Variants in CWH43 observed in about 807,000 individuals in gnomAD.
The protein encoded by CWH43 is cell wall biogenesis 43 C-terminal homolog.
A neutral mutation model predicts 85.7 loss-of-function variants in CWH43; 91 were observed. The observed-to-expected ratio is 1.06, with a 90% CI of 0.90 to 1.26. CWH43 has a LOEUF of 1.26. Ranked by LOEUF, CWH43 falls within the 50% of genes most tolerant of loss-of-function variation. The pLI is 0.00. For missense variants in CWH43, 869 were observed against 839.2 expected, an observed-to-expected ratio of 1.04 and a Z score of -0.44; for synonymous variants, 323 against 293.6, an observed-to-expected ratio of 1.10 and a Z score of -1.02.
chr4:49,028,358 TTTTTACTGTTATAA>T (rs1207145915), intron 9 of CWH43, among the ~76,000 whole-genome samples: 1 of 152,224 alleles, frequency 6.6e-6, no homozygotes, highest in Non-Finnish European at 1.5e-5. Flanking sequence ...TGTTTCTAAC[TTTTTACTGTTATAA>T]GCAGTGCTTA....
chr4:49,007,989 TA>T, intron 8 of CWH43, among the ~76,000 whole-genome samples: 1 of 152,346 alleles, frequency 6.6e-6, no homozygotes, highest in East Asian at 1.9e-4. Context: ...ACATACCCAG[TA>T]ATGGGATGGC....
chr4:49,039,334 C>CTGA (rs1553916965), intron 13 of CWH43, among the ~76,000 whole-genome samples: 215 of 6,494 alleles, frequency 0.033, 15 homozygotes, highest in African/African-American at 0.078. Context: ...TATATATATA[C>CTGA]TGATGTATAT....
At chr4:49,031,424 GCAGGACC>G (rs1784091955) in intron 11 of CWH43, 1 of 153,688 alleles carries the variant, frequency 6.5e-6, no homozygotes, top group African/African-American at 2.4e-5. Context: ...ATCATGGTGA[GCAGGACC>G]CAGGACCAGC....
rs116005137 is a variant in CWH43, at chr4:49,058,368, C to A, written c.2022-3444C>A. Among the ~76,000 whole-genome samples, 1,356 of 152,142 alleles carry A rather than the reference C, an allele frequency of 8.9e-3. 20 individuals carry two copies. Among genetic ancestry groups the A allele is most frequent in the Middle Eastern group, 0.041 (12 of 294 alleles). ...TATAAAAACTGAGATTTAGCTTTTC[C>A]TCCCACTACATTTTATGTTATTGAT... is the stretch of plus-strand genomic sequence containing the variant. On this transcript the variant is annotated intron_variant, in intron 15 of 15. Transcript: ENST00000226432.
chr4:49,042,187 G>T (rs1784483625), intron 13 of CWH43, among the ~76,000 whole-genome samples: 1 of 152,158 alleles, frequency 6.6e-6, no homozygotes, highest in African/African-American at 2.4e-5. Flanking sequence ...CTACTCAGTA[G>T]ATGAGTCACA....
At chr4:49,035,752 C>T (rs1784244280) in intron 12 of CWH43, among the ~76,000 whole-genome samples, 1 of 152,096 alleles carries the variant, frequency 6.6e-6, no homozygotes, top group African/African-American at 2.4e-5. Flanking sequence ...TAAGATTTAT[C>T]TCCTGAGAAA....
chr4:49,023,309 A>T (rs1338943223), intron 9 of CWH43, among the ~76,000 whole-genome samples: 2 of 152,304 alleles, frequency 1.3e-5, no homozygotes, highest in African/African-American at 4.8e-5. Context: ...ATCATTCAAG[A>T]GCAGGTTATT....
intron 11 of CWH43, 146 bp downstream of exon 11, chr4:49,031,106 C>A: frequency 1.4e-6 from 1 of 699,726 alleles, no homozygotes; most frequent in South Asian, 2.9e-5. Context: ...TGGAGATATG[C>A]ACATTCTGTA....
At chr4:49,018,164 T>C (rs1267226360) in intron 9 of CWH43, among the ~76,000 whole-genome samples, 1 of 152,100 alleles carries the variant, frequency 6.6e-6, no homozygotes, top group Non-Finnish European at 1.5e-5. Flanking sequence ...CCAGATCTCA[T>C]GAGAACTCAC....
chr4:49,028,825 G>T (rs1013810611), intron 10 of CWH43, 91 bp downstream of exon 10: 4 of 789,994 alleles, frequency 5.1e-6, no homozygotes, highest in Middle Eastern at 2.4e-4. Context: ...CTTAATGCAG[G>T]TATTAGATTA....
chr4:48,990,562 A>T lies in CWH43; in HGVS notation c.236-892A>T, dbSNP rs546350564. ...TTAATTACTGTGTAATTAACTATGA[A>T]ACCAGTTCATACTCCTATCAATTTA... On this transcript the variant is annotated intron_variant, in intron 2 of 15. Coordinates refer to ENST00000226432, the MANE Select transcript of CWH43 (RefSeq NM_025087.3). Among the ~76,000 whole-genome samples the T allele has an allele frequency of 2.4e-4, 36 of 152,328 alleles. 1 individual carries two copies. The South Asian group carries it at 2.5e-3, about 11-fold the overall frequency.
intron 1 of CWH43, 194 bp downstream of exon 1, chr4:48,986,666 C>A (rs1782505371): frequency 1.5e-6 from 2 of 1,357,016 alleles, no homozygotes; most frequent in African/African-American, 1.5e-5. Flanking sequence ...AGATTGAAGT[C>A]TTCAAGCTGA....
intron 9 of CWH43, among the ~76,000 whole-genome samples, chr4:49,020,384 TACACACACACAC>T (rs35489918): frequency 3.3e-5 from 4 of 120,170 alleles, no homozygotes; most frequent in South Asian, 2.9e-4. Flanking sequence ...AGTATTCCAT[TACACACACACAC>T]ACACACACAC....
In CWH43 at chr4:49,030,918, T is replaced by G. The variant is rs1251139503; in HGVS notation, c.1466T>G (p.Phe489Cys). 1.2e-6 allele frequency: 2 copies of G among 1,611,064 alleles called. No individual in the cohort carries two copies. Reference sequence around the variant, plus strand: ...ATGTGGCTAGGGGAAAAGTTGGGTTTCTATACAGACTTTGGTCCAAGCACA... The same window carrying G: ...ATGTGGCTAGGGGAAAAGTTGGGTTGCTATACAGACTTTGGTCCAAGCACA... ...LTMWLGEKLG[F>C]YTDFGPSTRY... Residue 489 changes from phenylalanine (F) to cysteine (C), a missense_variant, in exon 11 of 16, where the codon TTC (phenylalanine) becomes TGC (cysteine). Phe to Cys is a radical substitution (Grantham distance 205). This residue lies in a region of CWH43 where 577 missense variants were observed against 513.1 expected (regional missense o/e 1.12). Transcript: ENST00000226432.
intron 14 of CWH43, among the ~76,000 whole-genome samples, chr4:49,046,742 A>C (rs1168408692): frequency 1.3e-5 from 2 of 152,112 alleles, no homozygotes; most frequent in East Asian, 3.9e-4. Flanking sequence ...CAAGGAGGCC[A>C]GTGTCGCTGG....
intron 12 of CWH43, 30 bp downstream of exon 12, chr4:49,032,745 A>G (rs1004734815): frequency 1.9e-6 from 3 of 1,609,726 alleles, no homozygotes; most frequent in Non-Finnish European, 2.6e-6. Context: ...CTAATATTAC[A>G]CAAATGCCAA....
At chr4:49,056,043 C>T (rs1229944789) in intron 15 of CWH43, among the ~76,000 whole-genome samples, 2 of 145,594 alleles carry the variant, frequency 1.4e-5, no homozygotes, top group Non-Finnish European at 3.0e-5. Flanking sequence ...TTAGGTATAT[C>T]TCCCAATGCT....
Position 49,044,834 on chromosome 4 carries a change from C to G in CWH43, c.1852C>G (p.Arg618Gly), listed in dbSNP as rs767529441. ...HDRWCEYIMY[R>G]GLIRLGYARI... ...CAGATGGTGTGAATACATTATGTAT[C>G]GAGGGCTGATCAGGTGAGCACAGGG... The change falls in exon 14 of 16, where the codon CGA becomes GGA. Residue 618 changes from arginine (R) to glycine (G), a missense_variant. By Grantham distance (125) the Arg-to-Gly change is moderately radical (BLOSUM62 -2). Transcript: ENST00000226432. 6.2e-7 allele frequency: 1 copy of G among 1,612,608 alleles called. No homozygotes were observed.
intron 13 of CWH43, among the ~76,000 whole-genome samples, chr4:49,038,749 T>G (rs1784342075): frequency 6.6e-6 from 1 of 152,126 alleles, no homozygotes; most frequent in Non-Finnish European, 1.5e-5. Context: ...GAAAACACAA[T>G]CTGCCACATT....
Sources: gnomAD v4.1 joint callset for allele counts (sites outside exome capture counted in the v4.1 genomes callset) on GRCh38, gnomAD v4.1.1 for gene constraint, gnomAD v4.1.1 regional missense constraint, MANE v1.5 for transcripts, NCBI Gene and HGNC (gene_info 2026-07-23, HGNC 2026-07-21) for gene names.